ELMO1: variants seen among roughly 807,000 people sequenced by gnomAD.
ELMO1 encodes the protein engulfment and cell motility protein 1.
In ELMO1, 26 loss-of-function variants were observed where a neutral mutation model predicts 98.9. That is an observed-to-expected ratio of 0.26 (90% CI 0.19 to 0.36). The LOEUF (loss-of-function observed/expected upper bound fraction) is 0.36, where lower values mean the gene tolerates loss of function less well. Ranked by LOEUF, ELMO1 falls within the 10% of genes least tolerant of loss-of-function variation. The probability of loss-of-function intolerance (pLI) is 1.00; values close to 1 mark genes in which losing one functional copy is unlikely to be tolerated. For missense variants in ELMO1, 627 were observed against 935.2 expected (o/e 0.67, Z 4.30); for synonymous variants, 346 against 346.0 (o/e 1.00, Z 0.00).
intron 16 of ELMO1, among the ~76,000 whole-genome samples, chr7:36,994,008 T>C (rs1792037663): frequency 6.6e-6 from 1 of 152,186 alleles, no homozygotes; most frequent in Non-Finnish European, 1.5e-5. Context: ...AGAAAACATA[T>C]TTCACACACA....
At chr7:37,443,313 G>A (rs1315858754) in intron 1 of ELMO1, among the ~76,000 whole-genome samples, 1 of 152,170 alleles carries the variant, frequency 6.6e-6, no homozygotes, top group Non-Finnish European at 1.5e-5. Flanking sequence ...AGTCAAAACT[G>A]TAGCCTCAAT....
At chr7:37,275,602 A>AT (rs1409318052) in intron 4 of ELMO1, among the ~76,000 whole-genome samples, 1 of 152,226 alleles carries the variant, frequency 6.6e-6, no homozygotes, top group African/African-American at 2.4e-5. Context: ...CAGGCACTGC[A>AT]TCTAGACTCC....
intron 6 of ELMO1, among the ~76,000 whole-genome samples, chr7:37,256,658 G>A (rs1795671800): frequency 7.1e-6 from 1 of 140,396 alleles, no homozygotes; most frequent in Non-Finnish European, 1.6e-5. Context: ...GGAGGACAAA[G>A]GGAAGGGAGG....
At chr7:37,132,524 C>T (rs1786993818) in intron 14 of ELMO1, among the ~76,000 whole-genome samples, 2 of 152,178 alleles carry the variant, frequency 1.3e-5, no homozygotes, top group Non-Finnish European at 2.9e-5. Flanking sequence ...CCACTGTCGC[C>T]TTAGGCTTCC....
At position 36,870,244 on chromosome 7, in the gene ELMO1, T is replaced by A. The variant is rs979081450; in HGVS notation, c.1905+149A>T. 1.6e-6 allele frequency: 1 copy of A among 626,770 alleles called. No homozygotes were observed. The highest frequency in any genetic ancestry group is 2.8e-6 in the Non-Finnish European group (1 of 361,788). 38.8% of individuals were successfully genotyped at this position (626,770 alleles called of 1,614,324 possible). A position where few individuals can be genotyped will look rare whatever the true frequency, so the allele number is the denominator to read the frequency against. On this transcript the variant is annotated intron_variant, in intron 20 of 21. Transcript: ENST00000310758. This position sits in a 1 kb window ranked among gnomAD's most constrained non-coding sequence, Gnocchi z 4.4. ...ATAAGGGTAAGAGACGTAAAAGGAA[T>A]CGGGACAGGAAACAGGAGAGCTGAA...
chr7:37,273,088 G>T (rs1562572270), intron 4 of ELMO1, among the ~76,000 whole-genome samples: 1 of 152,198 alleles, frequency 6.6e-6, no homozygotes, highest in Non-Finnish European at 1.5e-5. Flanking sequence ...AACATTTGCT[G>T]ATTCCTTTTG....
intron 9 of ELMO1, among the ~76,000 whole-genome samples, chr7:37,224,651 G>A (rs763513406): frequency 5.3e-5 from 8 of 152,178 alleles, no homozygotes; most frequent in African/African-American, 7.2e-5. Flanking sequence ...AGGGCCAGGC[G>A]TGGGGACAGG....
intron 15 of ELMO1, among the ~76,000 whole-genome samples, chr7:37,029,893 C>G (rs545170270): frequency 3.3e-5 from 5 of 152,142 alleles, no homozygotes; most frequent in Non-Finnish European, 7.4e-5. Context: ...TAGTTTCCTC[C>G]TAAGTTATTC....
At chr7:36,982,076 C>G (rs57599961) in intron 16 of ELMO1, among the ~76,000 whole-genome samples, 3 of 152,168 alleles carry the variant, frequency 2.0e-5, no homozygotes, top group Non-Finnish European at 4.4e-5. Flanking sequence ...GACTGTGCAG[C>G]TGAATTGTAA....
chr7:36,987,124 C>A (rs1319570783), intron 16 of ELMO1, among the ~76,000 whole-genome samples: 1 of 152,166 alleles, frequency 6.6e-6, no homozygotes, highest in African/African-American at 2.4e-5. Context: ...TCAGGCCCAG[C>A]TCTTTTCTGC....
intron 15 of ELMO1, among the ~76,000 whole-genome samples, chr7:37,018,958 G>A (rs917042703): frequency 1.3e-5 from 2 of 152,138 alleles, no homozygotes; most frequent in Non-Finnish European, 2.9e-5. Context: ...TAAGCGGGGG[G>A]CGGGGGTGCT....
intron 1 of ELMO1, among the ~76,000 whole-genome samples, chr7:37,423,659 AT>A (rs1804580123): frequency 6.6e-6 from 1 of 151,842 alleles, no homozygotes; most frequent in Non-Finnish European, 1.5e-5. Flanking sequence ...ATTGATTCTT[AT>A]TTTTTTTATA....
chr7:37,287,073 G>C (rs1797427996), intron 4 of ELMO1, among the ~76,000 whole-genome samples: 2 of 151,876 alleles, frequency 1.3e-5, no homozygotes, highest in South Asian at 4.1e-4. Flanking sequence ...TATGCCTATA[G>C]TTCCAGCTAT....
At chr7:36,894,333 G>A (rs140296711) in intron 17 of ELMO1, among the ~76,000 whole-genome samples, 1 of 152,254 alleles carries the variant, frequency 6.6e-6, no homozygotes, top group African/African-American at 2.4e-5. Context: ...CAGTCATGAG[G>A]GCCATATAGC....
chr7:37,159,781 G>A (rs1027525480), intron 13 of ELMO1, among the ~76,000 whole-genome samples: 5 of 152,144 alleles, frequency 3.3e-5, no homozygotes, highest in African/African-American at 1.2e-4. Context: ...GAGAGGACGT[G>A]AACGGGGCTG....
intron 1 of ELMO1, among the ~76,000 whole-genome samples, chr7:37,345,460 C>CCGT (rs1800950414): frequency 6.6e-6 from 1 of 151,818 alleles, no homozygotes; most frequent in South Asian, 2.1e-4. Context: ...GCCTGTAATC[C>CCGT]CAACACTTTG....
intron 2 of ELMO1, among the ~76,000 whole-genome samples, chr7:37,325,116 AT>A: frequency 6.6e-6 from 1 of 152,336 alleles, no homozygotes; most frequent in South Asian, 2.1e-4. Context: ...TTAAAAAAAA[AT>A]GCTGGTTAAA....
rs532162867 is a variant in ELMO1 at position 37,048,132 on chromosome 7, T to C, written c.1301-34697A>G. 2.8e-4 allele frequency among the ~76,000 whole-genome samples: 43 copies of C among 152,294 alleles called. No homozygotes were observed. In the Middle Eastern group the frequency reaches 0.024, roughly 84 times the overall value. On this transcript the variant is annotated intron_variant, in intron 15 of 21. Transcript: ENST00000310758. ...GTGTCTGGAGCTGGTTAATTCTTTG[T>C]TGAGAGGGAGGCTTGTCCTGTGCAT...
intron 14 of ELMO1, among the ~76,000 whole-genome samples, chr7:37,103,958 C>G (rs1383686798): frequency 7.7e-6 from 1 of 130,260 alleles, no homozygotes; most frequent in Non-Finnish European, 1.5e-5. Context: ...TTGCAGTGAA[C>G]CGAGATTGCG....
Sources: gnomAD v4.1 joint callset for allele counts (sites outside exome capture counted in the v4.1 genomes callset) on GRCh38, gnomAD v4.1.1 for gene constraint, Gnocchi (gnomAD v3.1) non-coding constraint, MANE v1.5 for transcripts, NCBI Gene and HGNC (gene_info 2026-07-23, HGNC 2026-07-21) for gene names.